CDH8: variants seen among roughly 807,000 people sequenced by gnomAD.
The protein encoded by CDH8 is cadherin 8.
CDH8 carries 17 observed loss-of-function variants against 68.1 expected under a neutral mutation model. The ratio of observed to expected loss-of-function variants is 0.25; its 90% confidence interval spans 0.17 to 0.37. The LOEUF is 0.37. Ranked by LOEUF, CDH8 falls within the 10% of genes least tolerant of loss-of-function variation. CDH8 has a pLI of 1.00. For missense variants in CDH8, 763 were observed against 999.3 expected (o/e 0.76, Z 3.19); for synonymous variants, 372 against 365.1 (o/e 1.02, Z -0.21).
chr16:61,991,089 C>T (rs974409361), intron 2 of CDH8, among the ~76,000 whole-genome samples: 1 of 152,186 alleles, frequency 6.6e-6, no homozygotes, highest in Non-Finnish European at 1.5e-5. Flanking sequence ...TTGACTCTCA[C>T]CTCTGTGACT....
At chr16:61,666,043 C>A (rs139168193) in intron 10 of CDH8, among the ~76,000 whole-genome samples, 3,383 of 151,972 alleles carry the variant, frequency 0.022, 66 homozygotes, top group Non-Finnish European at 0.033. Flanking sequence ...ATGATGAAAT[C>A]TTTCTCTGTC....
rs367782675 is a variant in CDH8 at position 61,906,550 on chromosome 16, T to C, written c.253-5077A>G. On this transcript the variant is annotated intron_variant, in intron 2 of 11. Transcript: ENST00000577390. ...ACCATTATACCCTCATCATCTTCCA[T>C]ATATTTGCCTAACACCATCCAATTA... Among the ~76,000 whole-genome samples, 22 of 152,214 alleles carry C rather than the reference T, an allele frequency of 1.4e-4. No individual in the cohort carries two copies. The South Asian group carries it at 1.4e-3, about 10-fold the overall frequency.
intron 7 of CDH8, among the ~76,000 whole-genome samples, chr16:61,791,747 G>T (rs1004699672): frequency 6.6e-6 from 1 of 151,970 alleles, no homozygotes; most frequent in African/African-American, 2.4e-5. Flanking sequence ...GAGCAAAAAC[G>T]GGGTATTTGG....
chr16:61,880,273 G>C (rs969022178), intron 3 of CDH8, among the ~76,000 whole-genome samples: 8 of 152,172 alleles, frequency 5.3e-5, no homozygotes, highest in Non-Finnish European at 1.0e-4. Context: ...ATAATCTGAA[G>C]CTGGAAGGGT....
intron 2 of CDH8, among the ~76,000 whole-genome samples, chr16:61,988,752 AAAT>A (rs1965668723): frequency 6.6e-6 from 1 of 152,220 alleles, no homozygotes. Context: ...TTATTAATTT[AAAT>A]AATAAGTGAA....
chr16:61,948,810 G>T (rs1964840704), intron 2 of CDH8, among the ~76,000 whole-genome samples: 1 of 152,110 alleles, frequency 6.6e-6, no homozygotes, highest in African/African-American at 2.4e-5. Context: ...GACAAAAATA[G>T]AAAGTAATCT....
chr16:61,680,570 C>G (rs1963993470), intron 10 of CDH8, among the ~76,000 whole-genome samples: 1 of 151,558 alleles, frequency 6.6e-6, no homozygotes, highest in South Asian at 2.1e-4. Flanking sequence ...TGGATGAGAA[C>G]AAGGATTTTT....
Position 61,906,390 on chromosome 16 carries a change from A to G in CDH8, c.253-4917T>C, listed in dbSNP as rs528266015. On this transcript the variant is annotated intron_variant, in intron 2 of 11. Transcript: ENST00000577390. ...AGATGAATCCTCAAACCCTCTGGCC[A>G]CCCACTGCAGCCTGGTTGGAGAAGC... Among the ~76,000 whole-genome samples the G allele has an allele frequency of 2.0e-5, 3 of 152,284 alleles. No individual in the cohort carries two copies. In the East Asian group the frequency reaches 5.8e-4, roughly 29 times the overall value.
At chr16:61,937,092 T>C (rs1443686075) in intron 2 of CDH8, among the ~76,000 whole-genome samples, 4 of 152,090 alleles carry the variant, frequency 2.6e-5, no homozygotes, top group African/African-American at 4.8e-5. Flanking sequence ...AGGATTGAAA[T>C]AAACAAACAA....
At chr16:61,667,380 C>T (rs1348594922) in intron 10 of CDH8, 1 of 151,952 alleles carries the variant, frequency 6.6e-6, no homozygotes, top group African/African-American at 2.4e-5. Context: ...GTTTACCCAA[C>T]AATTTACAAT....
At chr16:61,731,696 T>C (rs575219723) in intron 8 of CDH8, among the ~76,000 whole-genome samples, 6 of 151,782 alleles carry the variant, frequency 4.0e-5, no homozygotes, top group Admixed American at 3.3e-4. Context: ...TTATTGAAAA[T>C]ATCTAGTTTC....
intron 2 of CDH8, among the ~76,000 whole-genome samples, chr16:61,948,606 A>G (rs1964837473): frequency 6.6e-6 from 1 of 152,200 alleles, no homozygotes; most frequent in Non-Finnish European, 1.5e-5. Flanking sequence ...ACAGTTGAAG[A>G]GTCCCAACAC....
At chr16:61,720,659 A>C (rs192806323) in intron 9 of CDH8, among the ~76,000 whole-genome samples, 1 of 150,938 alleles carries the variant, frequency 6.6e-6, no homozygotes, top group East Asian at 2.0e-4. Context: ...TTTTTAAAAA[A>C]ATTTAACCCA....
chr16:61,840,189 C>G (rs1355165745), intron 4 of CDH8, among the ~76,000 whole-genome samples: 1 of 152,138 alleles, frequency 6.6e-6, no homozygotes, highest in African/African-American at 2.4e-5. Context: ...ATCCCAACAG[C>G]TATTATATCC....
At chr16:61,894,575 T>A (rs1429862041) in intron 3 of CDH8, among the ~76,000 whole-genome samples, 1 of 152,162 alleles carries the variant, frequency 6.6e-6, no homozygotes, top group African/African-American at 2.4e-5. Flanking sequence ...TCAGAAACAA[T>A]ACATTTGTAC....
intron 10 of CDH8, chr16:61,692,564 TG>T (rs1212803090): frequency 7.7e-6 from 1 of 129,556 alleles, no homozygotes. Context: ...AAGAGAGTTG[TG>T]GGTTTTTTTT....
intron 8 of CDH8, among the ~76,000 whole-genome samples, chr16:61,746,556 AACACACACAC>A (rs71675273): frequency 2.8e-4 from 39 of 140,110 alleles, no homozygotes; most frequent in East Asian, 8.3e-4. Flanking sequence ...ATTCCCCCCC[AACACACACAC>A]ACACACACAC....
At chr16:61,740,767 C>T (rs1276286029) in intron 8 of CDH8, among the ~76,000 whole-genome samples, 4 of 152,022 alleles carry the variant, frequency 2.6e-5, no homozygotes, top group Non-Finnish European at 5.9e-5. Context: ...ATGAATATAC[C>T]ACAATTATTT....
At chr16:61,671,962 G>T (rs1963805337) in intron 10 of CDH8, among the ~76,000 whole-genome samples, 1 of 152,062 alleles carries the variant, frequency 6.6e-6, no homozygotes, top group Non-Finnish European at 1.5e-5. Flanking sequence ...TACTGAAAAT[G>T]TAATCTGATA....
Sources: gnomAD v4.1 joint callset for allele counts (sites outside exome capture counted in the v4.1 genomes callset) on GRCh38, gnomAD v4.1.1 for gene constraint, MANE v1.5 for transcripts, NCBI Gene and HGNC (gene_info 2026-07-23, HGNC 2026-07-21) for gene names.